RMDN1: variants seen among roughly 807,000 people sequenced by gnomAD.
RMDN1 encodes the protein regulator of microtubule dynamics 1, also known as regulator of microtubule dynamics protein 1.
In RMDN1, 48 loss-of-function variants were observed where a neutral mutation model predicts 48.9. The observed-to-expected ratio is 0.98, with a 90% confidence interval of 0.78 to 1.25. The LOEUF (loss-of-function observed/expected upper bound fraction) is 1.25, where lower values mean the gene tolerates loss of function less well. RMDN1 is among the 50% of genes most tolerant of loss of function. RMDN1 has a pLI of 0.00. For synonymous variants in RMDN1, 148 were observed against 132.6 expected, an observed-to-expected ratio of 1.12 and a Z score of -0.80; for missense variants, 418 against 373.4, an observed-to-expected ratio of 1.12 and a Z score of -0.98.
chr8:86,503,711 T>C (rs113152208), intron 2 of RMDN1: 4 of 474,208 alleles, frequency 8.4e-6, no homozygotes, highest in African/African-American at 4.0e-5. Flanking sequence ...CAATAACACT[T>C]TGAGTGACCA....
At position 86,508,567 on chromosome 8, in the gene RMDN1, G is replaced by C; in HGVS notation, c.54C>G (p.Ala18=). 6.2e-7 allele frequency: 1 copy of C among 1,601,776 alleles called. No homozygotes were observed. Among genetic ancestry groups the C allele is most frequent in the Non-Finnish European group, 8.5e-7 (1 of 1,175,970 alleles). Residue 18 remains alanine, a synonymous_variant, in exon 1 of 10, where the codon GCC becomes GCG. Coordinates refer to ENST00000406452, the MANE Select transcript of RMDN1 (RefSeq NM_016033.3). Reference sequence around the variant, plus strand: ...TCCCCGCAGGGAGACGAGACCCCGGGGCGGCTCCACGTCGGAAAGGCAGAA... The same window carrying C: ...TCCCCGCAGGGAGACGAGACCCCGGCGCGGCTCCACGTCGGAAAGGCAGAA... ...WRLLPFRRGA[A]PGSRLPAGTS...
At chr8:86,482,088 T>C in intron 5 of RMDN1, 1 of 598,140 alleles carries the variant, frequency 1.7e-6, no homozygotes, top group Non-Finnish European at 3.0e-6. Flanking sequence ...CAGCTGCTCC[T>C]CTGGACCTCG....
intron 2 of RMDN1, among the ~76,000 whole-genome samples, chr8:86,495,417 T>C (rs1408437330): frequency 6.6e-6 from 1 of 152,088 alleles, no homozygotes; most frequent in Non-Finnish European, 1.5e-5. Flanking sequence ...CTCTAGTCTT[T>C]GTGGAGAACA....
downstream of RMDN1, among the ~76,000 whole-genome samples, chr8:86,471,443 C>T (rs1812555256): frequency 6.6e-6 from 1 of 151,946 alleles, no homozygotes; most frequent in Non-Finnish European, 1.5e-5. Context: ...GGAGAGTAAA[C>T]TTTAACACAA....
At chr8:86,482,284 C>G (rs1246909873) in intron 5 of RMDN1, 1 of 299,364 alleles carries the variant, frequency 3.3e-6, no homozygotes, top group African/African-American at 2.2e-5. Context: ...CGCCTGTAAT[C>G]CCAGCTACTT....
At chr8:86,471,910 T>C (rs994638492), downstream of RMDN1, among the ~76,000 whole-genome samples, 2 of 152,222 alleles carry the variant, frequency 1.3e-5, no homozygotes, top group Non-Finnish European at 2.9e-5. Flanking sequence ...GGAACTGTTG[T>C]GGATGGAAAG....
At chr8:86,471,085 T>C (rs1310764411), downstream of RMDN1, among the ~76,000 whole-genome samples, 3 of 152,028 alleles carry the variant, frequency 2.0e-5, no homozygotes, top group African/African-American at 4.8e-5. Context: ...GGTTTTGCTA[T>C]TGTACTACAG....
downstream of RMDN1, among the ~76,000 whole-genome samples, chr8:86,469,308 A>C (rs1265069300): frequency 3.9e-5 from 6 of 152,098 alleles, no homozygotes; most frequent in Non-Finnish European, 4.4e-5. Flanking sequence ...GGTATGTGTC[A>C]ACTGTATTTA....
At chr8:86,499,719 A>G (rs777516909) in intron 2 of RMDN1, among the ~76,000 whole-genome samples, 29 of 152,234 alleles carry the variant, frequency 1.9e-4, no homozygotes, top group Non-Finnish European at 3.1e-4. Context: ...ACCAAAAAAG[A>G]GCCCAAATAG....
chr8:86,476,176 T>TTAAGTCTCTAAGGTCCTATATTTTTAC (rs1383749689), intron 8 of RMDN1, among the ~76,000 whole-genome samples: 5 of 152,192 alleles, frequency 3.3e-5, no homozygotes, highest in African/African-American at 4.8e-5. Context: ...CCCCCAACCC[T>TTAAGTCTCTAAGGTCCTATATTTTTAC]TAAGTCTCTA....
intron 8 of RMDN1, 102 bp downstream of exon 8, chr8:86,477,192 T>C (rs1813520742): frequency 3.9e-6 from 3 of 778,226 alleles, no homozygotes; most frequent in South Asian, 5.1e-5. Flanking sequence ...CAAAAATAAG[T>C]ATAACAGAAT....
chr8:86,468,299 A>G (rs1438885140), downstream of RMDN1: 3 of 420,500 alleles, frequency 7.1e-6, no homozygotes, highest in Non-Finnish European at 1.4e-5. Flanking sequence ...TTTTCTACAT[A>G]TTGAGAGTGT....
intron 2 of RMDN1, among the ~76,000 whole-genome samples, chr8:86,490,340 G>T (rs2130918147): frequency 6.6e-6 from 1 of 152,258 alleles, no homozygotes; most frequent in Middle Eastern, 3.4e-3. Context: ...AATTATCCTG[G>T]ATTACCCAGG....
intron 2 of RMDN1, chr8:86,504,824 C>T (rs1192372236): frequency 1.1e-5 from 11 of 1,041,570 alleles, no homozygotes; most frequent in East Asian, 4.7e-5. Context: ...ACTTCTTAGT[C>T]GGACTGCTCT....
At chr8:86,488,523 C>T in intron 3 of RMDN1, 29 bp downstream of exon 3, 2 of 1,413,156 alleles carry the variant, frequency 1.4e-6, no homozygotes, top group South Asian at 2.9e-5. Flanking sequence ...GAGGAAACCA[C>T]AAGCCTAGGC....
downstream of RMDN1, among the ~76,000 whole-genome samples, chr8:86,469,446 T>A (rs1812369593): frequency 6.8e-6 from 1 of 147,534 alleles, no homozygotes; most frequent in Non-Finnish European, 1.5e-5. Context: ...CTCTTGTAAC[T>A]GTATGTCCTT....
At chr8:86,493,272 C>T (rs528228845) in intron 2 of RMDN1, among the ~76,000 whole-genome samples, 1 of 152,144 alleles carries the variant, frequency 6.6e-6, no homozygotes, top group South Asian at 2.1e-4. Context: ...GGAGGTTCCT[C>T]AAAAACTAAA....
At chr8:86,500,449 G>A (rs1369066471) in intron 2 of RMDN1, among the ~76,000 whole-genome samples, 1 of 150,632 alleles carries the variant, frequency 6.6e-6, no homozygotes, top group Non-Finnish European at 1.5e-5. Flanking sequence ...TATCACCACA[G>A]AAATGCAAAT....
intron 2 of RMDN1, among the ~76,000 whole-genome samples, chr8:86,506,678 C>T (rs1586793947): frequency 1.3e-5 from 2 of 152,144 alleles, no homozygotes; most frequent in Non-Finnish European, 2.9e-5. Flanking sequence ...TTGCTGATAA[C>T]GGTATCTTGG....
Sources: gnomAD v4.1 joint callset for allele counts (sites outside exome capture counted in the v4.1 genomes callset) on GRCh38, gnomAD v4.1.1 for gene constraint, MANE v1.5 for transcripts, NCBI Gene and HGNC (gene_info 2026-07-23, HGNC 2026-07-21) for gene names.